The following ZNF469 variants were observed in gnomAD, a reference collection of about 807,000 sequenced individuals.
ZNF469 encodes the protein zinc finger protein 469.
ZNF469 carries 1 observed loss-of-function variant against 1.0 expected under a neutral mutation model. That is an observed-to-expected ratio of 1.00 (90% CI 0.35 to 4.73). ZNF469 has a LOEUF of 4.73. Ranked by LOEUF, ZNF469 falls within the 30% of genes most tolerant of loss-of-function variation. ZNF469 has a pLI of 0.16. For missense variants in ZNF469, 6,100 were observed against 5,356.3 expected (o/e 1.14, Z -4.33); for synonymous variants, 2,703 against 2,363.4 (o/e 1.14, Z -4.17).
At chr16:88,352,871 C>T in the ZNF469 span, among the ~76,000 whole-genome samples, 1 of 152,228 alleles carries the variant, frequency 6.6e-6, no homozygotes. Flanking sequence ...GGCACTGCCC[C>T]AGAGCCCACC....
intron 1 of ZNF469, among the ~76,000 whole-genome samples, chr16:88,395,631 G>T (rs1290857892): frequency 6.6e-6 from 1 of 152,088 alleles, no homozygotes; most frequent in African/African-American, 2.4e-5. Context: ...CCTGTGGGTA[G>T]ATAACATTAT....
rs1485461509 is a variant in ZNF469 at position 88,437,817 on chromosome 16, G to T, written c.10347G>T (p.Ala3449=). 3.9e-6 allele frequency: 6 copies of T among 1,542,854 alleles called. No individual in the cohort carries two copies. The Admixed American group carries it at 7.9e-5, about 20-fold the overall frequency. The part of the protein sequence containing the change: ...KHLRGGRQPF[A]FRGVRRPGAP... ...TCAGGGGGGGGCGGCAGCCCTTCGC[G>T]TTCCGCGGCGTGCGGAGGCCGGGAG... Residue 3449 remains alanine (A), a synonymous_variant, in exon 3 of 3, where the codon GCG becomes GCT. Coordinates refer to ENST00000565624, the MANE Select transcript of ZNF469 (RefSeq NM_001367624.2).
the ZNF469 span, among the ~76,000 whole-genome samples, chr16:88,107,331 C>T: frequency 1.3e-4 from 20 of 152,126 alleles, no homozygotes; most frequent in African/African-American, 2.4e-4. Flanking sequence ...TGGCGGAAGG[C>T]GAAGAAGAAG....
At chr16:88,101,967 G>A in the ZNF469 span, among the ~76,000 whole-genome samples, 1 of 152,154 alleles carries the variant, frequency 6.6e-6, no homozygotes, top group African/African-American at 2.4e-5. Context: ...GGTCAGGATT[G>A]TAAACTCCAG....
the ZNF469 span, among the ~76,000 whole-genome samples, chr16:88,229,559 T>C: frequency 4.0e-5 from 6 of 150,310 alleles, no homozygotes; most frequent in Admixed American, 4.0e-4. Context: ...GTCACACGTG[T>C]GGATGTCACG....
chr16:88,118,030 C>T, the ZNF469 span, among the ~76,000 whole-genome samples: 1 of 152,270 alleles, frequency 6.6e-6, no homozygotes, highest in Admixed American at 6.5e-5. Flanking sequence ...GCAACCTCCG[C>T]CTCCTGGATT....
At chr16:88,218,135 T>C in the ZNF469 span, among the ~76,000 whole-genome samples, 1 of 147,512 alleles carries the variant, frequency 6.8e-6, no homozygotes, top group African/African-American at 2.5e-5. Flanking sequence ...ATTGCCATTC[T>C]AACTGGTGTG....
At chr16:88,255,785 G>A in the ZNF469 span, among the ~76,000 whole-genome samples, 17 of 152,210 alleles carry the variant, frequency 1.1e-4, no homozygotes, top group African/African-American at 1.7e-4. Flanking sequence ...GGTTCAGGGC[G>A]AGAGAGCTTA....
chr16:88,135,965 T>G, the ZNF469 span, among the ~76,000 whole-genome samples: 2 of 151,950 alleles, frequency 1.3e-5, no homozygotes, highest in Non-Finnish European at 2.9e-5. Flanking sequence ...TTCACTGTGT[T>G]AGCCAGGATG....
the ZNF469 span, among the ~76,000 whole-genome samples, chr16:88,262,254 C>A: frequency 6.6e-6 from 1 of 152,174 alleles, no homozygotes; most frequent in East Asian, 1.9e-4. This position sits in a 1 kb window ranked among gnomAD's most constrained non-coding sequence, Gnocchi z 4.3. Flanking sequence ...AAATAAAACA[C>A]CCTGAAATAA....
chr16:88,240,565 G>A, the ZNF469 span, among the ~76,000 whole-genome samples: 8 of 152,272 alleles, frequency 5.3e-5, no homozygotes, highest in African/African-American at 1.9e-4. Flanking sequence ...CCACAGAGAC[G>A]CAGATGCATC....
chr16:88,157,148 A>G, the ZNF469 span, among the ~76,000 whole-genome samples: 142,231 of 151,664 alleles, frequency 0.94, 66,808 homozygotes, highest in African/African-American at 0.96. Context: ...GCACCAGGGC[A>G]CACAGGCAGC....
the ZNF469 span, among the ~76,000 whole-genome samples, chr16:88,139,281 G>T: frequency 6.6e-6 from 1 of 152,072 alleles, no homozygotes; most frequent in Non-Finnish European, 1.5e-5. Context: ...CCTGGCCTGG[G>T]GATGTGATGA....
the ZNF469 span, among the ~76,000 whole-genome samples, chr16:88,304,806 G>T: frequency 6.6e-6 from 1 of 152,194 alleles, no homozygotes; most frequent in Non-Finnish European, 1.5e-5. Context: ...TCTGGCTAAG[G>T]AGGCAGTGTA....
Position 88,427,484 on chromosome 16 carries a change from G to C in ZNF469, c.14G>C (p.Arg5Pro). Reference sequence around the variant, plus strand: ...GACGGAGGGGCCATGCCTGGGGAGCGCCCCCGAGGAGCGCCGCCCCCCACC... The same window carrying C: ...GACGGAGGGGCCATGCCTGGGGAGCCCCCCCGAGGAGCGCCGCCCCCCACC... MPGE[R>P]PRGAPPPTMT... The change falls in exon 3 of 3, where the codon CGC (arginine) becomes CCC (proline). Residue 5 changes from arginine to proline, a missense_variant. Coordinates refer to ENST00000565624, the MANE Select transcript of ZNF469 (RefSeq NM_001367624.2). The C allele has an allele frequency of 6.6e-7, 1 of 1,518,214 alleles. No individual in the cohort carries two copies. The highest frequency in any genetic ancestry group is 1.4e-5 in the African/African-American group (1 of 72,632). The allele number at this position is 1,518,214 out of a possible 1,614,324, so 94.0% of individuals were successfully genotyped here. A position where few individuals can be genotyped will look rare whatever the true frequency, so the allele number is the denominator to read the frequency against.
the ZNF469 span, among the ~76,000 whole-genome samples, chr16:88,167,243 G>A: frequency 2.0e-5 from 3 of 151,800 alleles, no homozygotes; most frequent in Non-Finnish European, 2.9e-5. Context: ...TGTTTTTTTA[G>A]TAGAGATGGG....
Position 88,429,034 on chromosome 16 carries a change from G to T in ZNF469, c.1564G>T (p.Gly522Cys). 2 of 1,549,628 alleles carry T rather than the reference G, an allele frequency of 1.3e-6. No individual in the cohort carries two copies. ...GCAGGGGGGCAGCCAAGGAGCCCTG[G>T]GCACTGCTGGCAAGACACCGGGACC... ...EWQGGSQGAL[G>C]TAGKTPGPRE... The change falls in exon 3 of 3, where the codon GGC (glycine) becomes TGC (cysteine). Residue 522 changes from glycine to cysteine, a missense_variant. Transcript: ENST00000565624.
the ZNF469 span, among the ~76,000 whole-genome samples, chr16:88,226,663 T>C: frequency 1.6e-4 from 25 of 152,040 alleles, no homozygotes; most frequent in African/African-American, 5.8e-4. Context: ...TGCTGGGTGA[T>C]GCTCCAGATG....
At chr16:88,304,542 A>G in the ZNF469 span, among the ~76,000 whole-genome samples, 1 of 152,052 alleles carries the variant, frequency 6.6e-6, no homozygotes, top group African/African-American at 2.4e-5. Context: ...GGGGGCCAGC[A>G]TGTTCCCATA....
Sources: gnomAD v4.1 joint callset for allele counts (sites outside exome capture counted in the v4.1 genomes callset) on GRCh38, gnomAD v4.1.1 for gene constraint, Gnocchi (gnomAD v3.1) non-coding constraint, MANE v1.5 for transcripts, NCBI Gene and HGNC (gene_info 2026-07-23, HGNC 2026-07-21) for gene names.